ZNF638: variants seen among roughly 807,000 people sequenced by gnomAD.
The protein encoded by ZNF638 is zinc finger protein 638.
A neutral mutation model predicts 195.6 loss-of-function variants in ZNF638; 46 were observed. The ratio of observed to expected loss-of-function variants is 0.24; its 90% CI spans 0.19 to 0.30. The LOEUF is 0.30. Ranked by LOEUF, ZNF638 falls within the 10% of genes least tolerant of loss-of-function variation. The pLI, the probability that ZNF638 is intolerant of heterozygous loss-of-function variation, is 1.00. For synonymous variants in ZNF638, 845 were observed against 772.0 expected (o/e 1.09, Z -1.57); for missense variants, 2,440 against 2,325.3 (o/e 1.05, Z -1.01).
intron 7 of ZNF638, among the ~76,000 whole-genome samples, chr2:71,369,087 C>G (rs1393718683): frequency 6.6e-6 from 1 of 151,956 alleles, no homozygotes; most frequent in African/African-American, 2.4e-5. Flanking sequence ...GTAATCGCAG[C>G]ACTTTGGGAG....
intron 10 of ZNF638, chr2:71,395,770 A>C (rs1367995614): frequency 1.8e-5 from 7 of 386,738 alleles, no homozygotes; most frequent in Non-Finnish European, 2.9e-5. Context: ...GTGTCTGTGT[A>C]CTTTTTTCAT....
At position 71,433,243 on chromosome 2, in the gene ZNF638, C is replaced by A; in HGVS notation, c.5831C>A (p.Thr1944Lys). 11 of 1,614,004 alleles carry A rather than the reference C, an allele frequency of 6.8e-6. No individual in the cohort carries two copies. The highest frequency in any genetic ancestry group is 9.3e-6 in the Non-Finnish European group (11 of 1,179,888). The change falls in exon 27 of 28, where the codon ACA (threonine) becomes AAA (lysine). Residue 1944 changes from threonine to lysine, a missense_variant. Coordinates refer to ENST00000264447, the MANE Select transcript of ZNF638 (RefSeq NM_014497.5). ...SLFYSGEKAM[T>K]NHCKSTRHKQ... Reference sequence around the variant, plus strand: ...TTCTACTCAGGTGAAAAAGCAATGACAAATCACTGCAAGAGTACACGTCAT... The same window carrying A: ...TTCTACTCAGGTGAAAAAGCAATGAAAAATCACTGCAAGAGTACACGTCAT...
intron 22 of ZNF638, 44 bp downstream of exon 22, chr2:71,424,082 T>C: frequency 6.3e-7 from 1 of 1,577,686 alleles, no homozygotes; most frequent in Non-Finnish European, 8.6e-7. Context: ...TTTGAAGTGA[T>C]TAGCTCCGCT....
At chr2:71,406,929 G>A (rs1057168407) in intron 19 of ZNF638, among the ~76,000 whole-genome samples, 1 of 152,182 alleles carries the variant, frequency 6.6e-6, no homozygotes, top group African/African-American at 2.4e-5. Flanking sequence ...GAGCCCAGGA[G>A]TTGGAGGCTG....
rs1432080655 is a variant in ZNF638, at chr2:71,431,341, G to A, written c.5665G>A (p.Gly1889Arg). ...FQMSEVDEES[G>R]LKDSEPERKR... ...AAAAATTTTAGTTGATGAGGAATCT[G>A]GATTAAAGGATTCAGAACCAGAGCG... The change falls in exon 26 of 28, where the codon GGA (glycine) becomes AGA (arginine). Residue 1889 changes from glycine to arginine, a missense_variant. Gly to Arg is a moderately radical substitution (Grantham distance 125, BLOSUM62 -2). Around this residue, in one of 5 missense-constraint regions of ZNF638, gnomAD observed 1,883 missense variants for 1,739.1 expected, o/e 1.08. Transcript: ENST00000264447. The A allele has an allele frequency of 6.2e-7, 1 of 1,613,202 alleles. No homozygotes were observed.
chr2:71,388,232 T>TC (rs1198114533), intron 10 of ZNF638, among the ~76,000 whole-genome samples: 1 of 152,200 alleles, frequency 6.6e-6, no homozygotes, highest in Admixed American at 6.5e-5. Flanking sequence ...ACCCTGAGGC[T>TC]AAGGGCAAGT....
intron 11 of ZNF638, among the ~76,000 whole-genome samples, chr2:71,397,563 C>G (rs111251591): frequency 0.019 from 2,912 of 152,234 alleles, 39 homozygotes; most frequent in Middle Eastern, 0.024. Context: ...TTTTGGCAAT[C>G]ACCACCCTTA....
chr2:71,334,588 G>A (rs779338875), intron 1 of ZNF638: 1 of 152,204 alleles, frequency 6.6e-6, no homozygotes, highest in Non-Finnish European at 1.5e-5. Flanking sequence ...GAAAAAGAGT[G>A]AGGAAAAGGT....
intron 20 of ZNF638, among the ~76,000 whole-genome samples, chr2:71,411,445 T>A (rs1387885682): frequency 1.7e-5 from 2 of 119,748 alleles, no homozygotes; most frequent in African/African-American, 5.8e-5. Context: ...TTTTTATTTT[T>A]TTTATTTATT....
intron 15 of ZNF638, 81 bp from the exon 16 acceptor site, chr2:71,401,875 A>G (rs897814505): frequency 4.2e-5 from 52 of 1,233,046 alleles, no homozygotes; most frequent in South Asian, 1.1e-4. Context: ...ATATACTAAT[A>G]TAACATGATA....
chr2:71,331,922 C>G (rs1260573453), intron 1 of ZNF638, 47 bp downstream of exon 1: 1 of 985,586 alleles, frequency 1.0e-6, no homozygotes, highest in African/African-American at 1.8e-5. Context: ...AGGCGGAGGC[C>G]GGTATCGTGG....
chr2:71,363,586 A>C (rs1404224787), intron 4 of ZNF638, among the ~76,000 whole-genome samples: 1 of 152,226 alleles, frequency 6.6e-6, no homozygotes, highest in Admixed American at 6.5e-5. Context: ...TTTCAGGAAA[A>C]AATTATTGAA....
intron 21 of ZNF638, 62 bp downstream of exon 21, chr2:71,418,701 G>A: frequency 2.6e-6 from 3 of 1,141,982 alleles, no homozygotes; most frequent in Admixed American, 4.9e-5. Flanking sequence ...TTTTATTGCT[G>A]TATTTTATAG....
chr2:71,370,101 C>T, intron 8 of ZNF638, 96 bp downstream of exon 8: 1 of 1,345,058 alleles, frequency 7.4e-7, no homozygotes, highest in Non-Finnish European at 1.0e-6. Flanking sequence ...GGCATAGAAA[C>T]ATAAATGTTA....
chr2:71,363,049 A>C (rs2079135572), intron 3 of ZNF638, 104 bp from the exon 4 acceptor site: 2 of 830,730 alleles, frequency 2.4e-6, no homozygotes, highest in East Asian at 2.5e-5. Flanking sequence ...TTTTATTTCC[A>C]ATAAAAGTTG....
chr2:71,354,761 AAAG>A (rs925590131), intron 2 of ZNF638, among the ~76,000 whole-genome samples: 15 of 152,168 alleles, frequency 9.9e-5, no homozygotes, highest in Non-Finnish European at 1.5e-4. Flanking sequence ...GAAAAAAAAA[AAAG>A]AAGCATTTCG....
rs370119626 is a variant in ZNF638 at position 71,351,642 on chromosome 2, G to A, written c.1317+1371G>A. On this transcript the variant is annotated intron_variant, in intron 2 of 27. Transcript: ENST00000264447. ...TAAAGAACTTGAAGTTTTGTATTCT[G>A]TAGAGTAGAAAAGGTGTACATTTAA... 3.3e-5 allele frequency among the ~76,000 whole-genome samples: 5 copies of A among 152,308 alleles called. No homozygotes were observed. The East Asian group carries it at 9.6e-4, about 29-fold the overall frequency.
intron 2 of ZNF638, among the ~76,000 whole-genome samples, chr2:71,352,202 C>T (rs1189613633): frequency 6.6e-6 from 1 of 151,960 alleles, no homozygotes; most frequent in Non-Finnish European, 1.5e-5. Context: ...GGGGGCCGGG[C>T]ACAGTGGCTC....
Position 71,422,961 on chromosome 2 carries a change from A to C in ZNF638, c.3447A>C (p.Glu1149Asp). The stretch of plus-strand genomic sequence containing the variant: ...TACAGCAGGAAGAGCCTTGTGAGGA[A>C]GAAGCTGAAAAAGCAACATGTGATT... ...TLVQQEEPCE[E>D]EAEKATCDSD... The change falls in exon 22 of 28, where the codon GAA becomes GAC. Residue 1149 changes from glutamate to aspartate, a missense_variant. By Grantham distance (45) the Glu-to-Asp change is conservative. Transcript: ENST00000264447. 1 of 1,614,160 alleles carries C rather than the reference A, an allele frequency of 6.2e-7. No homozygotes were observed.
Sources: allele counts gnomAD v4.1 joint callset (sites outside exome capture counted in the v4.1 genomes callset), GRCh38; gene constraint gnomAD v4.1.1; regional missense constraint gnomAD v4.1.1; transcripts MANE v1.5; gene names NCBI Gene and HGNC (gene_info 2026-07-23, HGNC 2026-07-21).